Variants in EPB41L4A observed in about 807,000 individuals in gnomAD.
EPB41L4A encodes the protein erythrocyte membrane protein band 4.1 like 4A.
A neutral mutation model predicts 108.6 loss-of-function variants in EPB41L4A; 100 were observed. The ratio of observed to expected loss-of-function variants is 0.92; its 90% CI spans 0.78 to 1.09. The LOEUF is 1.09. EPB41L4A is among the 50% of genes least tolerant of loss of function. The pLI, the probability that EPB41L4A is intolerant of heterozygous loss-of-function variation, is 0.00. For missense variants in EPB41L4A, 1,030 were observed against 842.7 expected (o/e 1.22, Z -2.75); for synonymous variants, 319 against 289.0 (o/e 1.10, Z -1.05).
At position 112,162,767 on chromosome 5, in the gene EPB41L4A, G is replaced by C. The variant is rs1049294193; in HGVS notation, c.*2223C>G. On this transcript the variant is annotated 3_prime_UTR_variant, in exon 23 of 23. Coordinates refer to ENST00000261486, the MANE Select transcript of EPB41L4A (RefSeq NM_022140.5). ...AAAACTTCACTATGAGATGAGTTCC[G>C]TGATAGGATTTTCTTAGGGAAACCT... 1 of 152,208 alleles carries C rather than the reference G, an allele frequency of 6.6e-6. No homozygotes were observed. Among genetic ancestry groups the C allele is most frequent in the East Asian group, 1.9e-4 (1 of 5,200 alleles). 9.4% of individuals were successfully genotyped at this position (152,208 alleles called of 1,614,324 possible). A position where few individuals can be genotyped will look rare whatever the true frequency, so the allele number is the denominator to read the frequency against.
At chr5:112,157,473 A>G (rs1399494625) in intron 12 of EPB41L4A, among the ~76,000 whole-genome samples, 2 of 152,222 alleles carry the variant, frequency 1.3e-5, no homozygotes, top group African/African-American at 2.4e-5. Context: ...TAGTGGCTTA[A>G]AACAACATAC....
intron 1 of EPB41L4A, among the ~76,000 whole-genome samples, chr5:112,404,040 C>T (rs866272643): frequency 1.2e-4 from 19 of 152,162 alleles, no homozygotes; most frequent in African/African-American, 3.9e-4. Context: ...GTTTTCTAAT[C>T]GGCAAATGCA....
At chr5:112,335,371 G>A (rs1474296601) in intron 1 of EPB41L4A, among the ~76,000 whole-genome samples, 1 of 152,176 alleles carries the variant, frequency 6.6e-6, no homozygotes, top group African/African-American at 2.4e-5. Flanking sequence ...TGAACCTAAT[G>A]TAGATGTATA....
chr5:112,329,556 G>A (rs1215909434), intron 1 of EPB41L4A, among the ~76,000 whole-genome samples: 1 of 152,126 alleles, frequency 6.6e-6, no homozygotes, highest in Non-Finnish European at 1.5e-5. Context: ...CTAATACCAA[G>A]TCATCATTTT....
chr5:112,149,950 C>T (rs763514200), intron 12 of EPB41L4A, among the ~76,000 whole-genome samples: 12 of 152,036 alleles, frequency 7.9e-5, no homozygotes, highest in Admixed American at 1.3e-4. Context: ...TTATGACCCA[C>T]GCATAACGTC....
intron 6 of EPB41L4A, 169 bp downstream of exon 6, chr5:112,264,727 A>G (rs1261801216): frequency 3.4e-6 from 2 of 582,816 alleles, no homozygotes; most frequent in Non-Finnish European, 5.4e-6. Flanking sequence ...AAATTACTGA[A>G]GTTTTCGATG....
At chr5:112,192,102 T>A (rs1761732620) in intron 17 of EPB41L4A, 1 of 152,308 alleles carries the variant, frequency 6.6e-6, no homozygotes, top group East Asian at 1.9e-4. Context: ...CTGAAGAGAC[T>A]GCAGGGCTGC....
rs75026239 is a variant in EPB41L4A, at chr5:112,157,058, T to C, written n.994+1343A>G. 1.9e-3 allele frequency among the ~76,000 whole-genome samples: 286 copies of C among 151,604 alleles called. 1 individual carries two copies. The highest frequency in any genetic ancestry group is 6.4e-3 in the African/African-American group (263 of 41,294). ...AAATATAAAGACATTATAAAAAATATAGTAATTGAGACAGCGTAATATTGA... is the reference window on the plus strand; with the variant it reads ...AAATATAAAGACATTATAAAAAATACAGTAATTGAGACAGCGTAATATTGA... On this transcript the variant is annotated intron_variant and non_coding_transcript_variant, in intron 12 of 13. Coordinates refer to the EPB41L4A transcript ENST00000507810.
chr5:112,261,940 G>C (rs62364080), intron 7 of EPB41L4A, among the ~76,000 whole-genome samples: 32,076 of 146,284 alleles, frequency 0.22, 3,618 homozygotes, highest in East Asian at 0.27. Context: ...CCAGGCTGGA[G>C]TGCAGTGGCA....
intron 1 of EPB41L4A, among the ~76,000 whole-genome samples, chr5:112,317,349 A>G (rs144757609): frequency 1.3e-5 from 2 of 152,342 alleles, no homozygotes; most frequent in Admixed American, 1.3e-4. Context: ...GAGCTATGCA[A>G]ACTTGTCATT....
intron 15 of EPB41L4A, among the ~76,000 whole-genome samples, chr5:112,198,698 T>C (rs1039581722): frequency 6.6e-6 from 1 of 152,176 alleles, no homozygotes; most frequent in Non-Finnish European, 1.5e-5. Flanking sequence ...GGTTTTTTGG[T>C]TCCGTTTTGG....
chr5:112,194,683 C>A lies in EPB41L4A; in HGVS notation c.1425-38G>T, dbSNP rs77307930. On this transcript the variant is annotated intron_variant, in intron 16 of 22. Transcript: ENST00000261486. ...AGGTAAGAACAAAAGAAAAAACACA[C>A]ATTTATAACTCACGAACAATTTCAG... is the stretch of plus-strand genomic sequence containing the variant. 8,123 of 1,431,794 alleles carry A rather than the reference C, an allele frequency of 5.7e-3. 395 individuals carry two copies. The African/African-American group carries it at 0.1, about 18-fold the overall frequency. 88.7% of individuals were successfully genotyped at this position (1,431,794 alleles called of 1,614,324 possible).
chr5:112,151,176 G>T (rs1332256675), intron 12 of EPB41L4A, among the ~76,000 whole-genome samples: 1 of 152,044 alleles, frequency 6.6e-6, no homozygotes, highest in Non-Finnish European at 1.5e-5. Context: ...AGATGCAGGA[G>T]AGAATGATGA....
intron 12 of EPB41L4A, among the ~76,000 whole-genome samples, chr5:112,210,818 C>G (rs894867074): frequency 2.0e-5 from 3 of 152,058 alleles, no homozygotes; most frequent in Admixed American, 2.0e-4. Context: ...GGGAAATCAG[C>G]ATGCACAGAT....
At chr5:112,246,512 C>T (rs769898117) in intron 9 of EPB41L4A, among the ~76,000 whole-genome samples, 6 of 152,130 alleles carry the variant, frequency 3.9e-5, no homozygotes, top group East Asian at 1.9e-4. Context: ...AACTGGGTCA[C>T]GCAAACCTGC....
chr5:112,228,710 G>A (rs1186833382), intron 12 of EPB41L4A: 31 of 985,294 alleles, frequency 3.1e-5, no homozygotes, highest in South Asian at 4.7e-5. Context: ...CCAACTGTGT[G>A]AGTTGCCAAG....
intron 1 of EPB41L4A, among the ~76,000 whole-genome samples, chr5:112,357,765 G>C (rs534513877): frequency 5.3e-4 from 80 of 152,268 alleles, no homozygotes; most frequent in African/African-American, 1.8e-3. Context: ...TTAAGGACTT[G>C]GAAGAAAATA....
chr5:112,395,675 G>C (rs1292640525), intron 1 of EPB41L4A, among the ~76,000 whole-genome samples: 2 of 152,168 alleles, frequency 1.3e-5, no homozygotes, highest in African/African-American at 4.8e-5. Flanking sequence ...CAACCATTGT[G>C]GAAGACTGTG....
At chr5:112,302,285 C>T (rs1047613820) in intron 2 of EPB41L4A, among the ~76,000 whole-genome samples, 3 of 152,048 alleles carry the variant, frequency 2.0e-5, no homozygotes, top group East Asian at 1.9e-4. Context: ...GCAGGAGGAT[C>T]ACTAGAGCTC....
Sources: allele counts gnomAD v4.1 joint callset (sites outside exome capture counted in the v4.1 genomes callset), GRCh38; gene constraint gnomAD v4.1.1; transcripts MANE v1.5; gene names NCBI Gene and HGNC (gene_info 2026-07-23, HGNC 2026-07-21).